The following RPAP2 variants were observed in gnomAD, a reference collection of about 807,000 sequenced individuals.
RPAP2 encodes the protein RNA polymerase II associated protein 2.
In RPAP2, 52 loss-of-function variants were observed where a neutral mutation model predicts 73.1. That is an observed-to-expected ratio of 0.71 (90% CI 0.57 to 0.90). The LOEUF is 0.90. Among genes scored for constraint, RPAP2 ranks in the 40% least tolerant of loss-of-function variants. The pLI is 0.00. For missense variants in RPAP2, 598 were observed against 701.8 expected (o/e 0.85, Z 1.67); for synonymous variants, 225 against 242.1 (o/e 0.93, Z 0.65).
At chr1:92,318,608 A>G (rs1652065414) in intron 6 of RPAP2, among the ~76,000 whole-genome samples, 1 of 152,160 alleles carries the variant, frequency 6.6e-6, no homozygotes, top group Non-Finnish European at 1.5e-5. Flanking sequence ...ATCCAGCAGA[A>G]ACTCCTTCAA....
chr1:92,358,063 ACAT>A (rs1245051494), intron 11 of RPAP2, among the ~76,000 whole-genome samples: 4 of 152,188 alleles, frequency 2.6e-5, no homozygotes, highest in Admixed American at 2.0e-4. Flanking sequence ...GAGTAGAATA[ACAT>A]CATAAAATCT....
intron 7 of RPAP2, among the ~76,000 whole-genome samples, chr1:92,323,104 G>C (rs1652400354): frequency 6.9e-6 from 1 of 145,392 alleles, no homozygotes; most frequent in Admixed American, 6.9e-5. Flanking sequence ...TGCAACAACA[G>C]GCAAATCCAA....
In RPAP2 at chr1:92,394,579, G is replaced by T; in HGVS notation, c.*7568G>T. The T allele has an allele frequency of 6.6e-6, 1 of 152,310 alleles. No individual in the cohort carries two copies. Among genetic ancestry groups the T allele is most frequent in the Non-Finnish European group, 1.5e-5 (1 of 68,070 alleles). 9.4% of individuals were successfully genotyped at this position (152,310 alleles called of 1,614,324 possible). ...ACATTGGGAGGATTGCCTGAGCTTG[G>T]GAGGTTGAGGCTGCAGTTAGCTGTG... On this transcript the variant is annotated 3_prime_UTR_variant, in exon 13 of 13. Coordinates refer to ENST00000610020, the MANE Select transcript of RPAP2 (RefSeq NM_024813.3).
chr1:92,304,226 C>A, intron 4 of RPAP2, 58 bp from the exon 5 acceptor site: 1 of 1,240,702 alleles, frequency 8.1e-7, no homozygotes, highest in Admixed American at 1.9e-5. Context: ...AATCTTGTAA[C>A]ATAACGTTCA....
chr1:92,365,746 A>C (rs1425887835), intron 11 of RPAP2, among the ~76,000 whole-genome samples: 3 of 152,214 alleles, frequency 2.0e-5, no homozygotes, highest in African/African-American at 7.2e-5. Flanking sequence ...TTCAAAAATT[A>C]TTTGAAGAGT....
chr1:92,307,141 A>G, intron 5 of RPAP2, 47 bp from the exon 6 acceptor site: 1 of 1,274,606 alleles, frequency 7.8e-7, no homozygotes, highest in Non-Finnish European at 1.1e-6. Flanking sequence ...GTATGTAGGT[A>G]ATGTTTCATG....
At chr1:92,386,080 TG>T (rs1655854084) in intron 12 of RPAP2, among the ~76,000 whole-genome samples, 1 of 152,230 alleles carries the variant, frequency 6.6e-6, no homozygotes, top group African/African-American at 2.4e-5. Flanking sequence ...ACATGGCATG[TG>T]GCTTCCATCG....
chr1:92,324,259 CCAAGTTA>C lies in RPAP2; in HGVS notation c.1341_1347del (p.Ser448ArgfsTer3). On this transcript the variant is annotated frameshift_variant, in exon 8 of 13. Coordinates refer to ENST00000610020, the MANE Select transcript of RPAP2 (RefSeq NM_024813.3). LOFTEE classifies it high-confidence loss of function. Reference sequence around the variant, plus strand: ...CTCAGGTACAGCCATTAAACCACTGCCAAGTTACGAGAATTTGAAAAAAGAAACTGAA... The same window carrying C: ...CTCAGGTACAGCCATTAAACCACTGCCGAGAATTTGAAAAAAGAAACTGAA... The C allele has an allele frequency of 6.2e-7, 1 of 1,613,948 alleles. No individual in the cohort carries two copies. The highest frequency in any genetic ancestry group is 8.5e-7 in the Non-Finnish European group (1 of 1,179,920).
In RPAP2 at chr1:92,305,432, C is replaced by CAAAAAAAAAAAAAAAAAAAAAAAAAAAA. The variant is rs71091273; in HGVS notation, c.399+1102_399+1103insAAAAAAAAAAAAAAAAAAAAAAAAAAAA. ...GGGGCAACAGAGTGAGGCTCCGTCTCAAAAAAAAAAAAAAAAAAAGACAAT... is the reference window on the plus strand; with the variant it reads ...GGGGCAACAGAGTGAGGCTCCGTCTCAAAAAAAAAAAAAAAAAAAAAAAAAAAAAAAAAAAAAAAAAAAAAAAGACAAT... On this transcript the variant is annotated intron_variant, in intron 5 of 12. Transcript: ENST00000610020. 2.0e-3 allele frequency among the ~76,000 whole-genome samples: 106 copies of CAAAAAAAAAAAAAAAAAAAAAAAAAAAA among 52,644 alleles called. 2 individuals are homozygous for CAAAAAAAAAAAAAAAAAAAAAAAAAAAA. The highest frequency in any genetic ancestry group is 0.012 in the Middle Eastern group (1 of 86). 34.5% of individuals were successfully genotyped at this position (52,644 alleles called of 152,430 possible). A position where few individuals can be genotyped will look rare whatever the true frequency, so the allele number is the denominator to read the frequency against.
rs113050714 is a variant in RPAP2, at chr1:92,304,222, G to A, written c.334-62G>A. 3.3e-4 allele frequency: 401 copies of A among 1,219,104 alleles called. No individual in the cohort carries two copies. In the African/African-American group the frequency reaches 5.4e-3, roughly 16 times the overall value. 75.5% of individuals were successfully genotyped at this position (1,219,104 alleles called of 1,614,324 possible). A position where few individuals can be genotyped will look rare whatever the true frequency, so the allele number is the denominator to read the frequency against. ...TATGATATGTAGATGACTTAATCTTGTAACATAACGTTCATGTTTATTATT... is the reference window on the plus strand; with the variant it reads ...TATGATATGTAGATGACTTAATCTTATAACATAACGTTCATGTTTATTATT... On this transcript the variant is annotated intron_variant, in intron 4 of 12. Transcript: ENST00000610020.
At chr1:92,329,445 C>T (rs1652833154) in intron 8 of RPAP2, among the ~76,000 whole-genome samples, 1 of 152,350 alleles carries the variant, frequency 6.6e-6, no homozygotes. Flanking sequence ...CTCACTCCCA[C>T]CGTGCCCCCA....
intron 3 of RPAP2, 88 bp from the exon 4 acceptor site, chr1:92,303,889 T>A (rs1651030433): frequency 2.4e-6 from 2 of 830,228 alleles, no homozygotes; most frequent in African/African-American, 1.7e-5. Flanking sequence ...ATCCCTGTGT[T>A]TTCAGATAAG....
At chr1:92,369,470 A>G (rs995543057) in intron 11 of RPAP2, among the ~76,000 whole-genome samples, 3 of 152,044 alleles carry the variant, frequency 2.0e-5, no homozygotes, top group Non-Finnish European at 4.4e-5. Flanking sequence ...ACACTCAACT[A>G]ATTTTTTTAT....
intron 11 of RPAP2, among the ~76,000 whole-genome samples, chr1:92,377,516 CAAAAA>C (rs530908177): frequency 5.2e-5 from 4 of 76,584 alleles, no homozygotes; most frequent in Admixed American, 3.1e-4. Flanking sequence ...AACTTTGTCT[CAAAAA>C]AAAAAAAAAA....
At chr1:92,324,696 T>C (rs1652522430) in intron 8 of RPAP2, among the ~76,000 whole-genome samples, 1 of 152,240 alleles carries the variant, frequency 6.6e-6, no homozygotes, top group Non-Finnish European at 1.5e-5. Context: ...TTGCTTTTTC[T>C]TCTTCGGTAT....
At position 92,345,846 on chromosome 1, in the gene RPAP2, G is replaced by A. The variant is rs1653862635; in HGVS notation, c.1620G>A (p.Arg540=). 6.4e-7 allele frequency: 1 copy of A among 1,569,638 alleles called. No homozygotes were observed. The highest frequency in any genetic ancestry group is 8.7e-7 in the Non-Finnish European group (1 of 1,143,378). The change falls in exon 11 of 13, where the codon AGG becomes AGA. Residue 540 remains arginine (R), a splice_region_variant and synonymous_variant. Transcript: ENST00000610020. ...TQLKNLVRTF[R]LTNRNIIHKP... ...TGGATAAATTTTATCTATCTTTCAG[G>A]TTAACAAATAGAAATATTATACACA...
At chr1:92,349,784 C>T (rs1571107774) in intron 11 of RPAP2, among the ~76,000 whole-genome samples, 3 of 152,036 alleles carry the variant, frequency 2.0e-5, no homozygotes, top group Admixed American at 1.3e-4. Flanking sequence ...AAACATTAGC[C>T]AGGCACAGTG....
chr1:92,338,388 C>G (rs1020827851), intron 10 of RPAP2, among the ~76,000 whole-genome samples: 1 of 152,220 alleles, frequency 6.6e-6, no homozygotes, highest in African/African-American at 2.4e-5. Flanking sequence ...TGTCTGCATG[C>G]TGTGTGTCCT....
chr1:92,329,935 C>T (rs77891754), intron 8 of RPAP2, among the ~76,000 whole-genome samples: 1,874 of 152,138 alleles, frequency 0.012, 39 homozygotes, highest in African/African-American at 0.042. Context: ...TTTTCCAAAG[C>T]GTGAAAATGT....
Sources: allele counts gnomAD v4.1 joint callset (sites outside exome capture counted in the v4.1 genomes callset), GRCh38; gene constraint gnomAD v4.1.1; transcripts MANE v1.5; gene names NCBI Gene and HGNC (gene_info 2026-07-23, HGNC 2026-07-21).